Variants in PPP1R1C observed in about 807,000 individuals in gnomAD.
PPP1R1C encodes the protein protein phosphatase 1 regulatory subunit 1C.
A neutral mutation model predicts 17.4 loss-of-function variants in PPP1R1C; 15 were observed. That is an observed-to-expected ratio of 0.86 (90% CI 0.58 to 1.33). The LOEUF (loss-of-function observed/expected upper bound fraction) is 1.33. Among genes scored for constraint, PPP1R1C ranks in the 40% most tolerant of loss-of-function variants. PPP1R1C has a pLI of 0.00. For synonymous variants in PPP1R1C, 35 were observed against 43.1 expected (o/e 0.81, Z 0.73); for missense variants, 143 against 130.0 (o/e 1.10, Z -0.48).
At position 182,041,346 on chromosome 2, in the gene PPP1R1C, C is replaced by T. The variant is rs577648102; in HGVS notation, c.143-20096C>T. On this transcript the variant is annotated intron_variant, in intron 2 of 4. Transcript: ENST00000682840. ...GTTCCAGGCCTGGCGTGGTAGCTCA[C>T]GCCTGTAATCCCAGCATTTTGGGAG... Among the ~76,000 whole-genome samples the T allele has an allele frequency of 7.7e-4, 117 of 152,220 alleles. 1 individual carries two copies. The highest frequency in any genetic ancestry group is 2.7e-3 in the African/African-American group (112 of 41,550).
intron 2 of PPP1R1C, 62 bp from the exon 3 acceptor site, chr2:182,061,380 A>AAT (rs2125196335): frequency 8.3e-6 from 9 of 1,084,826 alleles, no homozygotes; most frequent in South Asian, 3.1e-5. Context: ...TGAAAATGTT[A>AAT]ATATATATAT....
intron 2 of PPP1R1C, among the ~76,000 whole-genome samples, chr2:182,043,246 C>G (rs1687238686): frequency 1.3e-5 from 2 of 152,110 alleles, no homozygotes; most frequent in South Asian, 2.1e-4. Context: ...GGATTATTTT[C>G]TTAAACCACC....
intron 4 of PPP1R1C, among the ~76,000 whole-genome samples, chr2:182,107,161 G>A (rs930564499): frequency 1.3e-5 from 2 of 152,148 alleles, no homozygotes; most frequent in African/African-American, 4.8e-5. Flanking sequence ...ATTGCCAGGG[G>A]AAAATGAACT....
chr2:182,018,897 A>C (rs1686336339), intron 2 of PPP1R1C, among the ~76,000 whole-genome samples: 1 of 152,184 alleles, frequency 6.6e-6, no homozygotes, highest in African/African-American at 2.4e-5. Flanking sequence ...ATGATGAGAG[A>C]GTCAAGCAGG....
intron 2 of PPP1R1C, among the ~76,000 whole-genome samples, chr2:182,025,477 C>G (rs1286831405): frequency 5.4e-5 from 7 of 129,670 alleles, no homozygotes; most frequent in East Asian, 2.1e-4. Flanking sequence ...TTTGTTCTTG[C>G]GATAGTTTAC....
chr2:182,054,374 G>T (rs183687080), intron 2 of PPP1R1C, among the ~76,000 whole-genome samples: 26 of 152,070 alleles, frequency 1.7e-4, no homozygotes, highest in Admixed American at 5.9e-4. Context: ...ACCTACTATG[G>T]CAATCAAATA....
intron 1 of PPP1R1C, among the ~76,000 whole-genome samples, chr2:181,973,380 G>A (rs539706779): frequency 1.4e-4 from 22 of 152,292 alleles, no homozygotes; most frequent in African/African-American, 5.3e-4. Flanking sequence ...CAGAGTTTAC[G>A]CAGAGCCAGA....
intron 1 of PPP1R1C, among the ~76,000 whole-genome samples, chr2:181,956,465 C>A (rs767713673): frequency 6.6e-6 from 1 of 152,186 alleles, no homozygotes; most frequent in East Asian, 1.9e-4. Context: ...CTTGAGGAAT[C>A]GCCACACTGT....
chr2:182,042,252 C>G (rs1005711122), intron 2 of PPP1R1C, among the ~76,000 whole-genome samples: 24 of 151,948 alleles, frequency 1.6e-4, no homozygotes, highest in African/African-American at 5.8e-4. Context: ...CAATGAAGTT[C>G]AAGGATGTAT....
intron 1 of PPP1R1C, among the ~76,000 whole-genome samples, chr2:181,965,966 T>A (rs1394751430): frequency 1.1e-4 from 17 of 152,196 alleles, no homozygotes. Context: ...TTTCATTTCC[T>A]CTTTATTTTA....
At chr2:182,021,321 CTTTTTTTTTTT>C (rs71008205) in intron 2 of PPP1R1C, among the ~76,000 whole-genome samples, 1,967 of 89,656 alleles carry the variant, frequency 0.022, 63 homozygotes, top group African/African-American at 0.075. Flanking sequence ...CTCTCTCTCT[CTTTTTTTTTTT>C]TTTTTTTTTT....
At chr2:182,131,333 A>G (rs937689637), downstream of PPP1R1C, 1 of 152,162 alleles carries the variant, frequency 6.6e-6, no homozygotes, top group Non-Finnish European at 1.5e-5. Flanking sequence ...ATATATGTAT[A>G]TTCATAAAAT....
At chr2:182,072,883 CA>C (rs1347320202) in intron 4 of PPP1R1C, among the ~76,000 whole-genome samples, 3 of 152,202 alleles carry the variant, frequency 2.0e-5, no homozygotes, top group African/African-American at 7.2e-5. Context: ...GACAGCTGAC[CA>C]CACAAATCTG....
At chr2:182,094,243 C>T (rs1344479761) in intron 4 of PPP1R1C, among the ~76,000 whole-genome samples, 1 of 152,122 alleles carries the variant, frequency 6.6e-6, no homozygotes, top group Non-Finnish European at 1.5e-5. Flanking sequence ...CCATCAGAGA[C>T]CCATTTGCTA....
At chr2:182,080,740 T>C (rs541871330) in intron 4 of PPP1R1C, among the ~76,000 whole-genome samples, 1 of 151,740 alleles carries the variant, frequency 6.6e-6, no homozygotes, top group African/African-American at 2.4e-5. Context: ...AAAAGGAAAA[T>C]ATTAACTGCT....
chr2:182,067,573 G>A (rs2125202070), intron 4 of PPP1R1C, among the ~76,000 whole-genome samples: 2 of 152,168 alleles, frequency 1.3e-5, no homozygotes, highest in Non-Finnish European at 2.9e-5. Flanking sequence ...AATATGAAAG[G>A]ACATGGACTT....
At chr2:182,049,105 G>A (rs1687429914) in intron 2 of PPP1R1C, among the ~76,000 whole-genome samples, 1 of 152,108 alleles carries the variant, frequency 6.6e-6, no homozygotes, top group South Asian at 2.1e-4. Flanking sequence ...GGCTGAGGCA[G>A]GCGGATCACC....
chr2:182,129,218 G>T (rs1467893094), exon 6 of PPP1R1C: 2 of 152,036 alleles, frequency 1.3e-5, no homozygotes, highest in East Asian at 3.9e-4. Context: ...CATTTGCCAA[G>T]TCCTTCCCTT....
At chr2:182,026,568 T>C (rs1299139632) in intron 2 of PPP1R1C, among the ~76,000 whole-genome samples, 1 of 151,406 alleles carries the variant, frequency 6.6e-6, no homozygotes, top group Non-Finnish European at 1.5e-5. Context: ...CATTGATCTA[T>C]ATCTCTGTTT....
Sources: gnomAD v4.1 joint callset for allele counts (sites outside exome capture counted in the v4.1 genomes callset) on GRCh38, gnomAD v4.1.1 for gene constraint, MANE v1.5 for transcripts, NCBI Gene and HGNC (gene_info 2026-07-23, HGNC 2026-07-21) for gene names.